GABRA3: variants seen among roughly 807,000 people sequenced by gnomAD.
GABRA3 encodes gamma-aminobutyric acid type A receptor subunit alpha3, also known as gamma-aminobutyric acid receptor subunit alpha-3.
A neutral mutation model predicts 30.1 loss-of-function variants in GABRA3; 10 were observed. The observed-to-expected ratio is 0.33, with a 90% CI of 0.20 to 0.56. GABRA3 has a LOEUF of 0.56. Among genes scored for constraint, GABRA3 ranks in the 20% least tolerant of loss-of-function variants. The pLI, the probability that GABRA3 is intolerant of heterozygous loss-of-function variation, is 0.89. For missense variants in GABRA3, 233 were observed against 392.0 expected (o/e 0.59, Z 3.42); for synonymous variants, 151 against 146.8 (o/e 1.03, Z -0.21).
chrX:152,322,011 G>A (rs1939972079), intron 3 of GABRA3, among the ~76,000 whole-genome samples: 1 of 111,874 alleles, frequency 8.9e-6, no homozygotes, highest in Non-Finnish European at 1.9e-5. Context: ...CTGAAAACAG[G>A]TGTTCAAACA....
At chrX:152,208,955 G>C (rs192737759) in intron 6 of GABRA3, among the ~76,000 whole-genome samples, 2 of 111,835 alleles carry the variant, frequency 1.8e-5, no homozygotes, top group Admixed American at 1.9e-4. Context: ...GAGGTACCTT[G>C]AATAAGTAAA....
chrX:152,352,691 A>T (rs1405253105), intron 2 of GABRA3, among the ~76,000 whole-genome samples: 1 of 111,876 alleles, frequency 8.9e-6, no homozygotes, highest in Non-Finnish European at 1.9e-5. Context: ...ATTTTTTTAA[A>T]TAATAAAAAT....
intron 5 of GABRA3, among the ~76,000 whole-genome samples, chrX:152,243,716 C>T (rs189389003): frequency 2.7e-5 from 3 of 111,953 alleles, no homozygotes; most frequent in Non-Finnish European, 3.8e-5. Context: ...TGTCTTTCCA[C>T]TGACTCTCCA....
intron 3 of GABRA3, among the ~76,000 whole-genome samples, chrX:152,311,448 A>C (rs111310217): frequency 1.9e-4 from 21 of 112,473 alleles, no homozygotes; most frequent in African/African-American, 6.8e-4. Context: ...AATAAAAACA[A>C]AAACCACATG....
At chrX:152,226,616 T>TG (rs1937960561) in intron 5 of GABRA3, among the ~76,000 whole-genome samples, 1 of 110,534 alleles carries the variant, frequency 9.0e-6, no homozygotes, top group Admixed American at 9.6e-5. Context: ...GGGGAGAAAA[T>TG]TTTTGCAACC....
At chrX:152,410,623 A>G (rs2124529612) in intron 1 of GABRA3, among the ~76,000 whole-genome samples, 1 of 111,672 alleles carries the variant, frequency 9.0e-6, no homozygotes, top group East Asian at 2.8e-4. Context: ...TTAATTATTA[A>G]AAAATTAAAT....
intron 2 of GABRA3, among the ~76,000 whole-genome samples, chrX:152,353,876 T>C (rs1198348291): frequency 7.2e-5 from 8 of 111,631 alleles, no homozygotes; most frequent in Admixed American, 6.7e-4. Flanking sequence ...CAACATCACC[T>C]ACAAAGTATC....
chrX:152,393,884 T>C (rs1401115398), intron 1 of GABRA3, among the ~76,000 whole-genome samples: 2 of 111,743 alleles, frequency 1.8e-5, no homozygotes, highest in Non-Finnish European at 3.8e-5. Flanking sequence ...ACGATTCAAA[T>C]GACTGCCATG....
chrX:152,433,063 G>GA lies in GABRA3; in HGVS notation c.-27+18082dup, dbSNP rs1292571129. ...GTATAGGAGCATCTCAACAGATGAA[G>GA]AAAAAAATCATGCAATGAAATTTTC... On this transcript the variant is annotated intron_variant, in intron 1 of 9. Transcript: ENST00000370314. Among the ~76,000 whole-genome samples, 10 of 111,039 alleles carry GA rather than the reference G, an allele frequency of 9.0e-5. No homozygotes were observed. In the East Asian group the frequency reaches 2.6e-3, roughly 29 times the overall value.
intron 2 of GABRA3, among the ~76,000 whole-genome samples, chrX:152,347,134 G>A (rs753941793): frequency 1.8e-5 from 2 of 111,739 alleles, no homozygotes; most frequent in Non-Finnish European, 3.8e-5. Flanking sequence ...TATGATACAC[G>A]TACACACTGG....
At chrX:152,233,603 G>C (rs1342710211) in intron 5 of GABRA3, among the ~76,000 whole-genome samples, 1 of 109,969 alleles carries the variant, frequency 9.1e-6, no homozygotes, top group Non-Finnish European at 1.9e-5. Flanking sequence ...TGGTGGGACT[G>C]TAAACTAGTT....
intron 1 of GABRA3, among the ~76,000 whole-genome samples, chrX:152,369,898 G>A (rs961074237): frequency 9.0e-6 from 1 of 111,519 alleles, no homozygotes; most frequent in Non-Finnish European, 1.9e-5. Context: ...TTGTAACTAA[G>A]TCACATTCCT....
At chrX:152,336,764 C>G (rs889860675) in intron 3 of GABRA3, among the ~76,000 whole-genome samples, 1 of 111,608 alleles carries the variant, frequency 9.0e-6, no homozygotes, top group African/African-American at 3.3e-5. Flanking sequence ...AAGCTGGTTT[C>G]AGGAAGAGTT....
At chrX:152,283,426 C>A (rs1364734688) in intron 4 of GABRA3, among the ~76,000 whole-genome samples, 4 of 111,691 alleles carry the variant, frequency 3.6e-5, no homozygotes, top group Non-Finnish European at 7.5e-5. Context: ...TTTACCCATG[C>A]CTGGCCTTCC....
chrX:152,264,153 T>C (rs1420222303), intron 4 of GABRA3, among the ~76,000 whole-genome samples: 1 of 111,588 alleles, frequency 9.0e-6, no homozygotes, highest in East Asian at 2.8e-4. Context: ...CAAAACTCCC[T>C]GGTGTTACTA....
chrX:152,393,537 T>TTGG (rs1362539965), intron 1 of GABRA3: 1 of 357,155 alleles, frequency 2.8e-6, no homozygotes, highest in Non-Finnish European at 5.5e-6. Context: ...AGCAGGTGGG[T>TTGG]GTGATACAAG....
At chrX:152,370,957 T>A (rs1928821339) in intron 1 of GABRA3, among the ~76,000 whole-genome samples, 1 of 110,739 alleles carries the variant, frequency 9.0e-6, no homozygotes, top group Non-Finnish European at 1.9e-5. Flanking sequence ...CCTGCTTGGA[T>A]AACATACATA....
intron 4 of GABRA3, among the ~76,000 whole-genome samples, chrX:152,277,841 C>T (rs1939115909): frequency 8.9e-6 from 1 of 111,877 alleles, no homozygotes; most frequent in South Asian, 3.7e-4. Context: ...CTTGTTAGAG[C>T]TTGAATGGCT....
chrX:152,208,292 C>T (rs1168686856), intron 6 of GABRA3, 148 bp from the exon 7 acceptor site: 9 of 529,388 alleles, frequency 1.7e-5, no homozygotes, highest in Admixed American at 1.1e-4. Flanking sequence ...TCCATCCATC[C>T]GTCCATCCAT....
Sources: allele counts gnomAD v4.1 joint callset (sites outside exome capture counted in the v4.1 genomes callset), GRCh38; gene constraint gnomAD v4.1.1; transcripts MANE v1.5; gene names NCBI Gene and HGNC (gene_info 2026-07-23, HGNC 2026-07-21).